The following RBM45 variants were observed in gnomAD, a reference collection of about 807,000 sequenced individuals.
The protein encoded by RBM45 is RNA-binding protein 45.
Under a neutral mutation model 58.5 loss-of-function variants are expected in RBM45, and 39 were observed. That is an observed-to-expected ratio of 0.67 (90% CI 0.52 to 0.87). The LOEUF is 0.87. Among genes scored for constraint, RBM45 ranks in the 40% least tolerant of loss-of-function variants. RBM45 has a pLI of 0.00. For missense variants in RBM45, 481 were observed against 581.6 expected, an observed-to-expected ratio of 0.83 and a Z score of 1.78; for synonymous variants, 193 against 203.0, an observed-to-expected ratio of 0.95 and a Z score of 0.42.
chr2:178,112,939 G>T, intron 1 of RBM45, 93 bp downstream of exon 1: 1 of 1,345,248 alleles, frequency 7.4e-7, no homozygotes, highest in East Asian at 2.4e-5. Context: ...AGGGAGGAGT[G>T]GAACATCCGT....
intron 5 of RBM45, among the ~76,000 whole-genome samples, chr2:178,123,206 C>T (rs1476364273): frequency 1.3e-5 from 2 of 152,116 alleles, no homozygotes; most frequent in Non-Finnish European, 2.9e-5. Flanking sequence ...AAAATTTAGA[C>T]TTTTAAGTAT....
At chr2:178,119,051 G>A (rs557131231) in intron 3 of RBM45, among the ~76,000 whole-genome samples, 10 of 152,074 alleles carry the variant, frequency 6.6e-5, no homozygotes, top group Admixed American at 5.2e-4. Flanking sequence ...GATCTAATAG[G>A]CAAAAAATAA....
intron 3 of RBM45, among the ~76,000 whole-genome samples, chr2:178,136,077 G>A (rs1448077928): frequency 6.6e-6 from 1 of 152,166 alleles, no homozygotes; most frequent in Non-Finnish European, 1.5e-5. Flanking sequence ...TTGGGAGGCC[G>A]AGGTGGGCAG....
downstream of RBM45, among the ~76,000 whole-genome samples, chr2:178,132,104 C>T (rs1184498600): frequency 3.3e-5 from 5 of 152,140 alleles, no homozygotes; most frequent in Non-Finnish European, 7.4e-5. Flanking sequence ...ATAAACCTCT[C>T]AACTATGTGG....
At chr2:178,113,471 G>T (rs1413844577) in intron 1 of RBM45, among the ~76,000 whole-genome samples, 11 of 152,134 alleles carry the variant, frequency 7.2e-5, no homozygotes, top group African/African-American at 1.2e-4. Flanking sequence ...CTCTGTTTCT[G>T]AAAGTGTTAA....
intron 2 of RBM45, among the ~76,000 whole-genome samples, 190 bp downstream of exon 2, chr2:178,116,574 A>G (rs1382231276): frequency 6.6e-6 from 1 of 152,252 alleles, no homozygotes; most frequent in Non-Finnish European, 1.5e-5. Flanking sequence ...AAAATTAAAG[A>G]ATATATAAAA....
At position 178,112,568 on chromosome 2, in the gene RBM45, G is replaced by A. The variant is rs777603868; in HGVS notation, c.22G>A (p.Ala8Thr). The change falls in exon 1 of 10, where the codon GCG becomes ACG. Residue 8 changes from alanine (A) to threonine (T), a missense_variant. By Grantham distance (58) the Ala-to-Thr change is moderately conservative (BLOSUM62 0). Transcript: ENST00000286070. MDEAGSS[A>T]SGGGFRPGVD... ...CACCATGGACGAAGCTGGCAGCTCT[G>A]CGAGCGGCGGGGGCTTCCGCCCGGG... 6.2e-7 allele frequency: 1 copy of A among 1,612,624 alleles called. No individual in the cohort carries two copies. Among genetic ancestry groups the A allele is most frequent in the Non-Finnish European group, 8.5e-7 (1 of 1,179,630 alleles).
Position 178,121,421 on chromosome 2 carries a change from C to T in RBM45, c.853+62C>T, listed in dbSNP as rs890702274. ...GTATATATACACACACACACACACACACACACACACACACACACACACAGA... is the reference window on the plus strand; with the variant it reads ...GTATATATACACACACACACACACATACACACACACACACACACACACAGA... On this transcript the variant is annotated intron_variant, in intron 5 of 9. Coordinates refer to ENST00000286070, the MANE Select transcript of RBM45 (RefSeq NM_152945.4). The T allele has an allele frequency of 6.0e-4, 444 of 745,548 alleles. 29 individuals carry two copies. In the South Asian group the frequency reaches 6.8e-3, roughly 11 times the overall value. 46.2% of individuals were successfully genotyped at this position (745,548 alleles called of 1,614,324 possible).
Position 178,123,780 on chromosome 2 carries a change from A to C in RBM45, c.984-48A>C, listed in dbSNP as rs953301468. 1.9e-6 allele frequency: 3 copies of C among 1,606,078 alleles called. No homozygotes were observed. The South Asian group carries it at 3.3e-5, about 18-fold the overall frequency. ...TCACACAAAACAAGCTACTGTTAAA[A>C]GACTGAATATTTTTAGTTTTCTGTA... is the stretch of plus-strand genomic sequence containing the variant. On this transcript the variant is annotated intron_variant, in intron 6 of 9. Coordinates refer to ENST00000286070, the MANE Select transcript of RBM45 (RefSeq NM_152945.4).
At chr2:178,126,504 A>T (rs912490947) in intron 9 of RBM45, among the ~76,000 whole-genome samples, 1 of 73,008 alleles carries the variant, frequency 1.4e-5, no homozygotes, top group Non-Finnish European at 3.8e-5. Context: ...GGATTGCTTT[A>T]AAAAAAAATT....
intron 4 of RBM45, chr2:178,120,896 C>A: frequency 4.0e-6 from 1 of 249,862 alleles, no homozygotes. Context: ...CGTAAACATT[C>A]AGGTAAAATA....
intron 9 of RBM45, among the ~76,000 whole-genome samples, chr2:178,127,758 G>C (rs1468116026): frequency 6.6e-6 from 1 of 152,084 alleles, no homozygotes; most frequent in Non-Finnish European, 1.5e-5. Flanking sequence ...TGCAAAAAAT[G>C]TGTTTTTTCT....
exon 4 of RBM45, chr2:178,138,970 T>C (rs2088066554): frequency 1.3e-5 from 2 of 151,906 alleles, no homozygotes; most frequent in South Asian, 4.2e-4. Context: ...AAGAATCTTT[T>C]GAAGTCTGTT....
rs1408960644 is a variant in RBM45, at chr2:178,129,520, G to A, written c.*132G>A. 6.6e-6 allele frequency: 1 copy of A among 152,206 alleles called. No homozygotes were observed. Among genetic ancestry groups the A allele is most frequent in the Non-Finnish European group, 1.5e-5 (1 of 67,968 alleles). 9.4% of individuals were successfully genotyped at this position (152,206 alleles called of 1,614,324 possible). ...TACCTGATAGTCTGTGTACAGCATT[G>A]TTTTGTCTGGGAAGCAGGGATTGCT... is the stretch of plus-strand genomic sequence containing the variant. On this transcript the variant is annotated 3_prime_UTR_variant, in exon 10 of 10. Coordinates refer to ENST00000286070, the MANE Select transcript of RBM45 (RefSeq NM_152945.4).
chr2:178,118,676 C>T (rs1045804555), intron 3 of RBM45, among the ~76,000 whole-genome samples: 8 of 152,026 alleles, frequency 5.3e-5, no homozygotes, highest in Non-Finnish European at 1.0e-4. Flanking sequence ...ATGTGATCTT[C>T]TGATGTTGCT....
At chr2:178,136,048 C>T (rs879321509) in intron 3 of RBM45, among the ~76,000 whole-genome samples, 8 of 152,298 alleles carry the variant, frequency 5.3e-5, no homozygotes, top group South Asian at 2.1e-4. Context: ...TGATGGCTCA[C>T]GCCTGTAATC....
chr2:178,132,267 A>G (rs778891265), downstream of RBM45, among the ~76,000 whole-genome samples: 3 of 152,216 alleles, frequency 2.0e-5, no homozygotes, highest in Admixed American at 6.5e-5. Context: ...GAAATACTAG[A>G]AAGAATTTTT....
downstream of RBM45, among the ~76,000 whole-genome samples, chr2:178,133,273 G>T (rs1330938605): frequency 1.3e-5 from 2 of 152,136 alleles, no homozygotes; most frequent in Non-Finnish European, 2.9e-5. Context: ...TTTGATGTTT[G>T]TAAAGGATAG....
chr2:178,118,722 A>G (rs1306684119), intron 3 of RBM45, among the ~76,000 whole-genome samples: 1 of 152,184 alleles, frequency 6.6e-6, no homozygotes, highest in East Asian at 1.9e-4. Flanking sequence ...AAGATGTCAA[A>G]GAGAATATTC....
Sources: allele counts gnomAD v4.1 joint callset (sites outside exome capture counted in the v4.1 genomes callset), GRCh38; gene constraint gnomAD v4.1.1; transcripts MANE v1.5; gene names NCBI Gene and HGNC (gene_info 2026-07-23, HGNC 2026-07-21).